The following CXCR4 variants were observed in gnomAD, a reference collection of about 807,000 sequenced individuals.
The protein encoded by CXCR4 is C-X-C chemokine receptor type 4.
Under a neutral mutation model 22.4 loss-of-function variants are expected in CXCR4, and 6 were observed. That is an observed-to-expected ratio of 0.27 (90% CI 0.15 to 0.53). The LOEUF (loss-of-function observed/expected upper bound fraction) is 0.53. Ranked by LOEUF, CXCR4 falls within the 20% of genes least tolerant of loss-of-function variation. The pLI is 0.96. For synonymous variants in CXCR4, 155 were observed against 171.7 expected, an observed-to-expected ratio of 0.90 and a Z score of 0.76; for missense variants, 300 against 430.4, an observed-to-expected ratio of 0.70 and a Z score of 2.68.
chr2:136,114,647 C>G lies in CXCR4; in HGVS notation c.*222G>C. 2.3e-6 allele frequency: 1 copy of G among 443,544 alleles called. No homozygotes were observed. Among genetic ancestry groups the G allele is most frequent in the Admixed American group, 3.9e-5 (1 of 25,622 alleles). The allele number at this position is 443,544 out of a possible 1,614,324, so 27.5% of individuals were successfully genotyped here. A position where few individuals can be genotyped will look rare whatever the true frequency, so the allele number is the denominator to read the frequency against. ...AGTCCTACCACGAGACATACAGCAA[C>G]TAAGAACTTGGCCACAGGTCCTGCC... On this transcript the variant is annotated 3_prime_UTR_variant, in exon 2 of 2. Coordinates refer to ENST00000241393, the MANE Select transcript of CXCR4 (RefSeq NM_003467.3).
At chr2:136,117,804 A>G (rs887226507) in intron 1 of CXCR4, 6 of 505,434 alleles carry the variant, frequency 1.2e-5, no homozygotes, top group Non-Finnish European at 2.1e-5. Flanking sequence ...AGACACATGC[A>G]GCCACTGGAA....
chr2:136,115,046 G>A lies in CXCR4; in HGVS notation c.882C>T (p.His294=), dbSNP rs1684845270. The A allele has an allele frequency of 6.2e-7, 1 of 1,614,114 alleles. No homozygotes were observed. Among genetic ancestry groups the A allele is most frequent in the African/African-American group, 1.3e-5 (1 of 74,928 alleles). The change falls in exon 2 of 2, where the codon CAC becomes CAT. Residue 294 remains histidine (H), a synonymous_variant. Coordinates refer to ENST00000241393, the MANE Select transcript of CXCR4 (RefSeq NM_003467.3). This position sits in a 1 kb window ranked among gnomAD's most constrained non-coding sequence, Gnocchi z 6.4. ...CATAGAGGATGGGGTTCAGACAACA[G>A]TGGAAGAAAGCTAGGGCCTCGGTGA... is the stretch of plus-strand genomic sequence containing the variant. ...ISITEALAFF[H]CCLNPILYAF...
At position 136,115,888 on chromosome 2, in the gene CXCR4, C is replaced by T. The variant is rs1558837039; in HGVS notation, c.40G>A (p.Glu14Lys). 1 of 1,614,072 alleles carries T rather than the reference C, an allele frequency of 6.2e-7. No homozygotes were observed. The highest frequency in any genetic ancestry group is 8.5e-7 in the Non-Finnish European group (1 of 1,180,026). ...ISIYTSDNYT[E>K]EMGSGDYDSM... ...TCATAGTCCCCTGAGCCCATTTCCT[C>T]GGTGTAGTTATCTGAAGTGTATATC... The change falls in exon 2 of 2, where the codon GAG (glutamate) becomes AAG (lysine). Residue 14 changes from glutamate (E) to lysine (K), a missense_variant. By Grantham distance (56) the Glu-to-Lys change is moderately conservative. This residue lies in a region of CXCR4 where 118 missense variants were observed against 188.2 expected (regional missense o/e 0.63). Coordinates refer to ENST00000241393, the MANE Select transcript of CXCR4 (RefSeq NM_003467.3). The surrounding 1 kb of genome is among the most constrained non-coding windows in gnomAD (Gnocchi z 6.4).
At position 136,114,831 on chromosome 2, in the gene CXCR4, G is replaced by C; in HGVS notation, c.*38C>G. 11 of 1,537,254 alleles carry C rather than the reference G, an allele frequency of 7.2e-6. No individual in the cohort carries two copies. The highest frequency in any genetic ancestry group is 9.7e-6 in the Non-Finnish European group (11 of 1,130,634). On this transcript the variant is annotated 3_prime_UTR_variant, in exon 2 of 2. Coordinates refer to ENST00000241393, the MANE Select transcript of CXCR4 (RefSeq NM_003467.3). ...TGAAAAATGTGTAACTTAAAAAAAA[G>C]TTATTTATCGTATAAAAAAAAGTCT...
rs142982349 is a variant in CXCR4, at chr2:136,115,196, G to A, written c.732C>T (p.Leu244=). 3 of 1,614,216 alleles carry A rather than the reference G, an allele frequency of 1.9e-6. No homozygotes were observed. Among genetic ancestry groups the A allele is most frequent in the African/African-American group, 2.7e-5 (2 of 75,060 alleles). The change falls in exon 2 of 2, where the codon CTC becomes CTT. Residue 244 remains leucine (L), a synonymous_variant. Transcript: ENST00000241393. This position sits in a 1 kb window ranked among gnomAD's most constrained non-coding sequence, Gnocchi z 6.4. The stretch of plus-strand genomic sequence containing the variant: ...GCCAACAGGCGAAGAAAGCCAGGAT[G>A]AGGATGACTGTGGTCTTGAGGGCCT... ...KRKALKTTVI[L]ILAFFACWLP... is the part of the protein sequence containing the mutation.
At position 136,115,929 on chromosome 2, in the gene CXCR4, G is replaced by A. The variant is rs759904341; in HGVS notation, c.16-17C>T. On this transcript the variant is annotated splice_polypyrimidine_tract_variant and intron_variant, in intron 1 of 1. Transcript: ENST00000241393. This position sits in a 1 kb window ranked among gnomAD's most constrained non-coding sequence, Gnocchi z 6.4. Reference sequence around the variant, plus strand: ...AGTGTATATCTGCAAAAGAGGCAAAGGAATGGACATTCACTTCCAATTCAG... The same window carrying A: ...AGTGTATATCTGCAAAAGAGGCAAAAGAATGGACATTCACTTCCAATTCAG... 8 of 1,614,078 alleles carry A rather than the reference G, an allele frequency of 5.0e-6. No individual in the cohort carries two copies. Among genetic ancestry groups the A allele is most frequent in the Middle Eastern group, 1.6e-4 (1 of 6,062 alleles).
chr2:136,118,009 G>T, intron 1 of CXCR4, 37 bp downstream of exon 1: 1 of 1,610,480 alleles, frequency 6.2e-7, no homozygotes, highest in Non-Finnish European at 8.5e-7. Context: ...TCAAACGTTT[G>T]TACATTTATG....
At position 136,118,149 on chromosome 2, in the gene CXCR4, T is replaced by C. The variant is rs1050005681; in HGVS notation, c.-89A>G. 1 of 1,403,262 alleles carries C rather than the reference T, an allele frequency of 7.1e-7. No homozygotes were observed. Among genetic ancestry groups the C allele is most frequent in the Non-Finnish European group, 1.0e-6 (1 of 1,000,242 alleles). The allele number at this position is 1,403,262 out of a possible 1,614,324, so 86.9% of individuals were successfully genotyped here. On this transcript the variant is annotated 5_prime_UTR_variant, in exon 1 of 2. Coordinates refer to ENST00000241393, the MANE Select transcript of CXCR4 (RefSeq NM_003467.3). The stretch of plus-strand genomic sequence containing the variant: ...CTACCTGCTGCCGCAGCCAACAAAC[T>C]GAAGTTTCTGGCCGCGGCCGGACTT...
chr2:136,117,768 G>T, intron 1 of CXCR4: 1 of 450,916 alleles, frequency 2.2e-6, no homozygotes, highest in South Asian at 2.9e-5. Context: ...CGTGCAAGCC[G>T]CCGCGCGCGG....
chr2:136,117,223 C>T (rs1272306497), intron 1 of CXCR4, among the ~76,000 whole-genome samples: 1 of 152,122 alleles, frequency 6.6e-6, no homozygotes, highest in Non-Finnish European at 1.5e-5. Flanking sequence ...GAGCGCAAAT[C>T]TCAGGGCTGG....
chr2:136,115,800 G>C lies in CXCR4; in HGVS notation c.128C>G (p.Thr43Ser), dbSNP rs778969048. 1 of 1,614,168 alleles carries C rather than the reference G, an allele frequency of 6.2e-7. No homozygotes were observed. The highest frequency in any genetic ancestry group is 8.5e-7 in the Non-Finnish European group (1 of 1,180,020). ...AGTTAAGAAGATGATGGAGTAGATG[G>C]TGGGCAGGAAGATTTTATTGAAATT... The part of the protein sequence containing the change: ...NANFNKIFLP[T>S]IYSIIFLTGI... The change falls in exon 2 of 2, where the codon ACC becomes AGC. Residue 43 changes from threonine (T) to serine (S), a missense_variant. Physicochemically the swap from Thr to Ser is moderately conservative, Grantham distance 58 (BLOSUM62 1). This residue lies in a region of CXCR4 where 118 missense variants were observed against 188.2 expected (regional missense o/e 0.63). Transcript: ENST00000241393. The surrounding 1 kb of genome is among the most constrained non-coding windows in gnomAD (Gnocchi z 6.4).
Position 136,114,928 on chromosome 2 carries a change from G to C in CXCR4, c.1000C>G (p.Arg334Gly), listed in dbSNP as rs104893624. ...GTGGAAACAGATGAATGTCCACCTC[G>C]CTTTCCTTTGGAGAGGATCTTGAGG... is the stretch of plus-strand genomic sequence containing the variant. Reference protein sequence around the residue: ...SSLKILSKGKRGGHSSVSTES... With the variant: ...SSLKILSKGKGGGHSSVSTES... The change falls in exon 2 of 2, where the codon CGA becomes GGA. Residue 334 changes from arginine (R) to glycine (G), a missense_variant. Arg to Gly is a moderately radical substitution (Grantham distance 125). Transcript: ENST00000241393. The C allele has an allele frequency of 1.2e-6, 2 of 1,612,484 alleles. No individual in the cohort carries two copies.
At chr2:136,116,348 A>G (rs2104919107) in intron 1 of CXCR4, 1 of 569,628 alleles carries the variant, frequency 1.8e-6, no homozygotes, top group African/African-American at 2.1e-5. Flanking sequence ...ACTTTTTGTA[A>G]GAAGTTTTTC....
intron 1 of CXCR4, among the ~76,000 whole-genome samples, chr2:136,116,993 G>A (rs1684915144): frequency 6.6e-6 from 1 of 152,256 alleles, no homozygotes; most frequent in Non-Finnish European, 1.5e-5. Context: ...CGCCGCGAGC[G>A]TCTTTGAATT....
intron 1 of CXCR4, 177 bp downstream of exon 1, chr2:136,117,869 T>TCTCCCCCCC: frequency 1.2e-5 from 2 of 170,810 alleles, no homozygotes; most frequent in South Asian, 7.0e-5. Context: ...CCAATCCTGC[T>TCTCCCCCCC]CCCCCCCCAC....
In CXCR4 at chr2:136,117,238, T is replaced by G. The variant is rs963668192; in HGVS notation, c.15+808A>C. Reference sequence around the variant, plus strand: ...GAGCGCAAATCTCAGGGCTGGCAGCTGCGCGGTGTCAAAGGGGAGGTCAAA... The same window carrying G: ...GAGCGCAAATCTCAGGGCTGGCAGCGGCGCGGTGTCAAAGGGGAGGTCAAA... On this transcript the variant is annotated intron_variant, in intron 1 of 1. Coordinates refer to ENST00000241393, the MANE Select transcript of CXCR4 (RefSeq NM_003467.3). Among the ~76,000 whole-genome samples, 10 of 152,090 alleles carry G rather than the reference T, an allele frequency of 6.6e-5. 1 individual carries two copies. The highest frequency in any genetic ancestry group is 1.3e-4 in the Non-Finnish European group (9 of 68,010).
At chr2:136,116,003 A>G in intron 1 of CXCR4, 91 bp from the exon 2 acceptor site, 1 of 1,604,536 alleles carries the variant, frequency 6.2e-7, no homozygotes. Flanking sequence ...TTAAAAAACC[A>G]ATTCAGGCTT....
rs147214773 is a variant in CXCR4, at chr2:136,114,925, C to T, written c.1003G>A (p.Gly335Ser). The part of the protein sequence containing the change: ...SLKILSKGKR[G>S]GHSSVSTESE... ...TCAGTGGAAACAGATGAATGTCCAC[C>T]TCGCTTTCCTTTGGAGAGGATCTTG... Residue 335 changes from glycine to serine, a missense_variant, in exon 2 of 2, where the codon GGT (glycine) becomes AGT (serine). Gly to Ser is a moderately conservative substitution (Grantham distance 56). Around this residue, in one of 3 missense-constraint regions of CXCR4, gnomAD observed 45 missense variants for 89.1 expected, o/e 0.51. Transcript: ENST00000241393. 1.3e-4 allele frequency: 210 copies of T among 1,612,178 alleles called. No individual in the cohort carries two copies. The highest frequency in any genetic ancestry group is 1.7e-4 in the Non-Finnish European group (205 of 1,178,970).
intron 1 of CXCR4, 159 bp from the exon 2 acceptor site, chr2:136,116,071 A>G (rs1677737278): frequency 3.9e-6 from 6 of 1,533,212 alleles, no homozygotes; most frequent in South Asian, 3.7e-5. Context: ...TTAATGTAGA[A>G]TCCTACAACT....
Sources: allele counts gnomAD v4.1 joint callset (sites outside exome capture counted in the v4.1 genomes callset), GRCh38; gene constraint gnomAD v4.1.1; regional missense constraint gnomAD v4.1.1; non-coding constraint Gnocchi (gnomAD v3.1); transcripts MANE v1.5; gene names NCBI Gene and HGNC (gene_info 2026-07-23, HGNC 2026-07-21).